The following CNIH3 variants were observed in gnomAD, a reference collection of about 807,000 sequenced individuals.
CNIH3 encodes cornichon family AMPA receptor auxiliary protein 3.
CNIH3 carries 14 observed loss-of-function variants against 24.1 expected under a neutral mutation model. That is an observed-to-expected ratio of 0.58 (90% confidence interval 0.38 to 0.91). CNIH3 has a LOEUF of 0.91. Ranked by LOEUF, CNIH3 falls within the 40% of genes least tolerant of loss-of-function variation. The pLI, the probability that CNIH3 is intolerant of heterozygous loss-of-function variation, is 0.00. For synonymous variants in CNIH3, 68 were observed against 73.8 expected (o/e 0.92, Z 0.40); for missense variants, 178 against 196.8 (o/e 0.90, Z 0.57).
At chr1:224,628,764 G>A (rs1683669029) in intron 1 of CNIH3, among the ~76,000 whole-genome samples, 1 of 152,018 alleles carries the variant, frequency 6.6e-6, no homozygotes, top group African/African-American at 2.4e-5. Context: ...GGGAAGGGAG[G>A]TGGGACATGT....
At chr1:224,668,364 AG>A (rs1189234702) in intron 1 of CNIH3, among the ~76,000 whole-genome samples, 1 of 152,256 alleles carries the variant, frequency 6.6e-6, no homozygotes, top group African/African-American at 2.4e-5. Flanking sequence ...TACCATGCCC[AG>A]AAGCTATTGT....
rs538270089 is a variant in CNIH3 at position 224,569,379 on chromosome 1, G to A, written n.516+3115G>A. Reference sequence around the variant, plus strand: ...TTAATTCCTATAATAAGAATTATATGGCGCTAGAGCATATAAATACACCAC... The same window carrying A: ...TTAATTCCTATAATAAGAATTATATAGCGCTAGAGCATATAAATACACCAC... On this transcript the variant is annotated intron_variant and non_coding_transcript_variant, in intron 4 of 5. Transcript: ENST00000471578. Among the ~76,000 whole-genome samples the A allele has an allele frequency of 3.3e-5, 5 of 152,256 alleles. No homozygotes were observed. In the South Asian group the frequency reaches 1.0e-3, roughly 32 times the overall value.
At chr1:224,590,028 C>T (rs528633357), downstream of CNIH3, among the ~76,000 whole-genome samples, 118 of 152,196 alleles carry the variant, frequency 7.8e-4, no homozygotes, top group Middle Eastern at 3.4e-3. Flanking sequence ...AGGCATGAGC[C>T]GCCAGGCCTG....
chr1:224,586,892 A>T (rs1681533874), intron 5 of CNIH3, among the ~76,000 whole-genome samples: 1 of 152,192 alleles, frequency 6.6e-6, no homozygotes, highest in Admixed American at 6.5e-5. Flanking sequence ...GAGAGCTGCT[A>T]GACATTGGAA....
chr1:224,508,737 T>C (rs1014744473), intron 1 of CNIH3, among the ~76,000 whole-genome samples: 1 of 152,256 alleles, frequency 6.6e-6, no homozygotes, highest in African/African-American at 2.4e-5. Context: ...AACTTCCAGC[T>C]TCTCCCACTA....
intron 1 of CNIH3, among the ~76,000 whole-genome samples, chr1:224,628,677 G>T (rs573216854): frequency 6.6e-6 from 1 of 151,890 alleles, no homozygotes; most frequent in Non-Finnish European, 1.5e-5. Context: ...GGCCCCCCAC[G>T]CCCAACCATC....
At chr1:224,711,188 A>AT (rs1295403621) in intron 3 of CNIH3, among the ~76,000 whole-genome samples, 1 of 152,270 alleles carries the variant, frequency 6.6e-6, no homozygotes, top group Non-Finnish European at 1.5e-5. Flanking sequence ...TAATTAATTA[A>AT]TAACACATTT....
intron 1 of CNIH3, among the ~76,000 whole-genome samples, chr1:224,460,786 T>C (rs1211470348): frequency 3.4e-5 from 5 of 147,408 alleles, no homozygotes; most frequent in Non-Finnish European, 3.0e-5. Flanking sequence ...TTTTTTTTTT[T>C]AGATATGTGG....
chr1:224,564,784 A>G (rs16849654), intron 3 of CNIH3, among the ~76,000 whole-genome samples: 14,697 of 152,256 alleles, frequency 0.097, 2,224 homozygotes, highest in African/African-American at 0.32. Flanking sequence ...GTCCTGCTCT[A>G]CCTTCCACAA....
chr1:224,463,676 G>A (rs1676024162), intron 1 of CNIH3, among the ~76,000 whole-genome samples: 1 of 151,110 alleles, frequency 6.6e-6, no homozygotes, highest in African/African-American at 2.4e-5. Flanking sequence ...CAAAGTGCTG[G>A]GATTATTGGT....
intron 1 of CNIH3, among the ~76,000 whole-genome samples, chr1:224,651,434 A>T (rs1684851506): frequency 6.6e-6 from 1 of 152,204 alleles, no homozygotes; most frequent in African/African-American, 2.4e-5. Context: ...ACTTTAAAAA[A>T]GTTGCAGTTT....
intron 3 of CNIH3, among the ~76,000 whole-genome samples, chr1:224,692,984 G>A (rs961101544): frequency 6.6e-6 from 1 of 152,194 alleles, no homozygotes; most frequent in Non-Finnish European, 1.5e-5. Context: ...TTCTTTTAAG[G>A]CTCTTTTTCT....
rs147084442 is a variant in CNIH3 at position 224,562,927 on chromosome 1, G to A, written n.451-3272G>A. Among the ~76,000 whole-genome samples, 35 of 152,314 alleles carry A rather than the reference G, an allele frequency of 2.3e-4. No individual in the cohort carries two copies. In the East Asian group the frequency reaches 6.2e-3, roughly 27 times the overall value. On this transcript the variant is annotated intron_variant and non_coding_transcript_variant, in intron 3 of 5. Transcript: ENST00000471578. Reference sequence around the variant, plus strand: ...CACAAAGTGCTGAAAAGAGTGAGGAGCAATAGAAGTTCCTATGTGCTACTG... The same window carrying A: ...CACAAAGTGCTGAAAAGAGTGAGGAACAATAGAAGTTCCTATGTGCTACTG...
At chr1:224,641,315 C>T (rs1684350676) in intron 1 of CNIH3, among the ~76,000 whole-genome samples, 1 of 152,198 alleles carries the variant, frequency 6.6e-6, no homozygotes, top group African/African-American at 2.4e-5. Flanking sequence ...TCCCGGGGAA[C>T]AGTGCCTAAG....
At chr1:224,578,237 T>TA (rs1365584197) in intron 4 of CNIH3, among the ~76,000 whole-genome samples, 2 of 152,228 alleles carry the variant, frequency 1.3e-5, no homozygotes, top group African/African-American at 4.8e-5. Flanking sequence ...AATAAAAAGT[T>TA]AAACATTCGC....
intron 3 of CNIH3, among the ~76,000 whole-genome samples, chr1:224,701,008 C>T (rs1368416068): frequency 2.0e-5 from 3 of 152,202 alleles, no homozygotes; most frequent in African/African-American, 7.2e-5. Flanking sequence ...AGGCACTTCA[C>T]TGCCCAGAAG....
chr1:224,544,257 T>A (rs1316781426), intron 2 of CNIH3, among the ~76,000 whole-genome samples: 1 of 152,196 alleles, frequency 6.6e-6, no homozygotes, highest in Non-Finnish European at 1.5e-5. Flanking sequence ...CCACTTGGTC[T>A]CCACAGGGAG....
chr1:224,675,749 A>G (rs1325689403), intron 1 of CNIH3, among the ~76,000 whole-genome samples: 1 of 152,210 alleles, frequency 6.6e-6, no homozygotes, highest in Non-Finnish European at 1.5e-5. Context: ...CACTGGAGGA[A>G]TGCAAATTAC....
intron 1 of CNIH3, among the ~76,000 whole-genome samples, chr1:224,496,131 G>C (rs1166010417): frequency 6.6e-6 from 1 of 152,204 alleles, no homozygotes; most frequent in East Asian, 1.9e-4. Context: ...CAGCCCAGCA[G>C]TTACTGAACA....
Sources: gnomAD v4.1 joint callset for allele counts (sites outside exome capture counted in the v4.1 genomes callset) on GRCh38, gnomAD v4.1.1 for gene constraint, MANE v1.5 for transcripts, NCBI Gene and HGNC (gene_info 2026-07-23, HGNC 2026-07-21) for gene names.